PLCD1: variants seen among roughly 807,000 people sequenced by gnomAD.
PLCD1 encodes the protein phospholipase C delta 1, also known as 1-phosphatidylinositol 4,5-bisphosphate phosphodiesterase delta-1.
PLCD1 carries 71 observed loss-of-function variants against 87.4 expected under a neutral mutation model. The ratio of observed to expected loss-of-function variants is 0.81; its 90% CI spans 0.67 to 0.99. The LOEUF (loss-of-function observed/expected upper bound fraction) is 0.99, where lower values mean the gene tolerates loss of function less well. PLCD1 is among the 50% of genes least tolerant of loss of function. PLCD1 has a pLI of 0.00. For synonymous variants in PLCD1, 348 were observed against 399.2 expected (o/e 0.87, Z 1.53); for missense variants, 867 against 1,001.5 (o/e 0.87, Z 1.81).
Position 38,009,091 on chromosome 3 carries a change from G to A in PLCD1, c.1674C>T (p.Asp558=). 5.6e-6 allele frequency: 9 copies of A among 1,613,964 alleles called. No individual in the cohort carries two copies. The highest frequency in any genetic ancestry group is 7.6e-6 in the Non-Finnish European group (9 of 1,180,010). ...TCTCCACGGGGCTGTAGTTGGAGGAGTCTGTTCTCCATCCAGCCGGGTAGA... is the reference window on the plus strand; with the variant it reads ...TCTCCACGGGGCTGTAGTTGGAGGAATCTGTTCTCCATCCAGCCGGGTAGA... ...SRIYPAGWRT[D]SSNYSPVEMW... Residue 558 remains aspartate (D), a synonymous_variant, in exon 11 of 15, where the codon GAC becomes GAT. Coordinates refer to ENST00000334661, the MANE Select transcript of PLCD1 (RefSeq NM_006225.4).
chr3:38,012,760 A>G (rs985602934), intron 3 of PLCD1, among the ~76,000 whole-genome samples: 52 of 151,524 alleles, frequency 3.4e-4, no homozygotes, highest in Admixed American at 3.4e-3. Context: ...CAAGTGATCC[A>G]CCCGCCTTGG....
At position 38,013,235 on chromosome 3, in the gene PLCD1, C is replaced by T. The variant is rs1324504474; in HGVS notation, c.429-1562G>A. Among the ~76,000 whole-genome samples, 5 of 136,152 alleles carry T rather than the reference C, an allele frequency of 3.7e-5. No individual in the cohort carries two copies. The East Asian group carries it at 6.5e-4, about 18-fold the overall frequency. 89.3% of individuals were successfully genotyped at this position (136,152 alleles called of 152,430 possible). A position where few individuals can be genotyped will look rare whatever the true frequency, so the allele number is the denominator to read the frequency against. On this transcript the variant is annotated intron_variant, in intron 3 of 14. Coordinates refer to ENST00000334661, the MANE Select transcript of PLCD1 (RefSeq NM_006225.4). ...TTTTTTTTTTTTTTTTTTCCTGAGA[C>T]GGAGTCTAGCTCTGTCACCCAGGCT...
intron 11 of PLCD1, 75 bp from the exon 12 acceptor site, chr3:38,008,711 C>G: frequency 7.4e-7 from 1 of 1,346,112 alleles, no homozygotes; most frequent in Admixed American, 1.7e-5. Context: ...TCAGGGTACA[C>G]TAAGGCCTAG....
At chr3:38,019,877 G>A (rs1700207709) in intron 2 of PLCD1, among the ~76,000 whole-genome samples, 1 of 152,118 alleles carries the variant, frequency 6.6e-6, no homozygotes, top group Non-Finnish European at 1.5e-5. Context: ...CCCCATCTGT[G>A]GTCATGGTTA....
At chr3:38,019,704 C>T (rs1299104763) in intron 2 of PLCD1, among the ~76,000 whole-genome samples, 1 of 152,130 alleles carries the variant, frequency 6.6e-6, no homozygotes, top group Non-Finnish European at 1.5e-5. Context: ...TCTGTGTGTC[C>T]CAGTCCTGCT....
Position 38,009,024 on chromosome 3 carries a change from G to A in PLCD1, c.1723+18C>T. On this transcript the variant is annotated intron_variant, in intron 11 of 14. Coordinates refer to ENST00000334661, the MANE Select transcript of PLCD1 (RefSeq NM_006225.4). Reference sequence around the variant, plus strand: ...GAAACCCTCCTCCAGGCCTCCTCCAGCCCCAGCCAGCCCATACCGATCTGG... The same window carrying A: ...GAAACCCTCCTCCAGGCCTCCTCCAACCCCAGCCAGCCCATACCGATCTGG... 1.3e-6 allele frequency: 2 copies of A among 1,595,764 alleles called. No homozygotes were observed. The highest frequency in any genetic ancestry group is 1.7e-6 in the Non-Finnish European group (2 of 1,164,658).
intron 1 of PLCD1, among the ~76,000 whole-genome samples, chr3:38,022,929 C>A (rs1393253365): frequency 1.3e-5 from 2 of 151,752 alleles, no homozygotes; most frequent in Non-Finnish European, 2.9e-5. Context: ...AAAGTAATAG[C>A]AAAAACTTTC....
intron 1 of PLCD1, among the ~76,000 whole-genome samples, chr3:38,020,633 C>A (rs112066756): frequency 7.6e-4 from 116 of 152,294 alleles, no homozygotes; most frequent in African/African-American, 2.7e-3. Flanking sequence ...CCACCCACAG[C>A]TGAATGAACA....
intron 2 of PLCD1, among the ~76,000 whole-genome samples, chr3:38,019,340 G>A (rs1575354504): frequency 6.6e-6 from 1 of 152,110 alleles, no homozygotes; most frequent in East Asian, 1.9e-4. Flanking sequence ...AATTCAGTTC[G>A]GCAGTCACAC....
At chr3:38,011,123 T>G in intron 5 of PLCD1, 91 bp downstream of exon 5, 5 of 1,011,700 alleles carry the variant, frequency 4.9e-6, no homozygotes, top group Non-Finnish European at 5.8e-6. Context: ...TTCCCTCCGG[T>G]TCCCTTCTTT....
chr3:38,016,490 C>T lies in PLCD1; in HGVS notation c.428+1G>A, dbSNP rs1700156183. 1.2e-6 allele frequency: 2 copies of T among 1,606,492 alleles called. No individual in the cohort carries two copies. Among genetic ancestry groups the T allele is most frequent in the Non-Finnish European group, 1.7e-6 (2 of 1,173,506 alleles). On this transcript the variant is annotated splice_donor_variant, in intron 3 of 14. Transcript: ENST00000334661. LOFTEE classifies it high-confidence loss of function. ...TGGACCCACTGCCACCAAAAGGATA[C>T]TGCTGTAGCTTCTGACGCTGGTCCA... is the stretch of plus-strand genomic sequence containing the variant.
rs1283458684 is a variant in PLCD1 at position 38,008,533 on chromosome 3, T to C, written c.1827A>G (p.Arg609=). 1.2e-6 allele frequency: 2 copies of C among 1,614,200 alleles called. No individual in the cohort carries two copies. Among genetic ancestry groups the C allele is most frequent in the South Asian group, 2.2e-5 (2 of 91,088 alleles). The change falls in exon 12 of 15, where the codon CGA becomes CGG. Residue 609 remains arginine, a synonymous_variant. Coordinates refer to ENST00000334661, the MANE Select transcript of PLCD1 (RefSeq NM_006225.4). ...CGYVLKPAFL[R]DPNGTFNPRA... ...GGGGGTTAAAGGTGCCGTTGGGGTC[T>C]CGCAGGAAGGCGGGCTTCAGCACGT... is the stretch of plus-strand genomic sequence containing the variant.
intron 2 of PLCD1, among the ~76,000 whole-genome samples, chr3:38,019,899 C>T (rs1700208200): frequency 6.6e-6 from 1 of 152,170 alleles, no homozygotes; most frequent in African/African-American, 2.4e-5. Context: ...GTATCCCCAT[C>T]CCTCAAAAGC....
intron 10 of PLCD1, 52 bp downstream of exon 10, chr3:38,009,220 T>G: frequency 6.2e-7 from 1 of 1,613,296 alleles, no homozygotes; most frequent in Non-Finnish European, 8.5e-7. Flanking sequence ...AGCCCTGCCC[T>G]GCCAATTCTC....
At chr3:38,020,548 C>T (rs543639702) in intron 1 of PLCD1, among the ~76,000 whole-genome samples, 196 bp from the exon 2 acceptor site, 4 of 152,150 alleles carry the variant, frequency 2.6e-5, no homozygotes, top group Non-Finnish European at 5.9e-5. Flanking sequence ...GGAAGTCATC[C>T]CTGATTGCCA....
intron 1 of PLCD1, among the ~76,000 whole-genome samples, chr3:38,022,651 A>G (rs1559377723): frequency 6.6e-6 from 1 of 152,168 alleles, no homozygotes; most frequent in South Asian, 2.1e-4. Flanking sequence ...GCTGCCAACA[A>G]TGGTTTCTAA....
Position 38,018,097 on chromosome 3 carries a change from T to C in PLCD1, c.200-1378A>G, listed in dbSNP as rs1015442970. ...GAACCAGAGTCATGGGGGTGGGTAG[T>C]AGTGGCAGGATTGGGGAGACTTAAA... On this transcript the variant is annotated intron_variant, in intron 2 of 14. Transcript: ENST00000334661. The surrounding 1 kb of genome is among the most constrained non-coding windows in gnomAD (Gnocchi z 5.7). 1.3e-5 allele frequency among the ~76,000 whole-genome samples: 2 copies of C among 152,100 alleles called. No individual in the cohort carries two copies. The highest frequency in any genetic ancestry group is 2.9e-5 in the Non-Finnish European group (2 of 68,010).
In PLCD1 at chr3:38,017,054, C is replaced by T. The variant is rs1700169236; in HGVS notation, c.200-335G>A. Among the ~76,000 whole-genome samples the T allele has an allele frequency of 6.6e-6, 1 of 151,972 alleles. No homozygotes were observed. The highest frequency in any genetic ancestry group is 2.1e-4 in the South Asian group (1 of 4,828). On this transcript the variant is annotated intron_variant, in intron 2 of 14. Coordinates refer to ENST00000334661, the MANE Select transcript of PLCD1 (RefSeq NM_006225.4). The surrounding 1 kb of genome is among the most constrained non-coding windows in gnomAD (Gnocchi z 4.7). ...ACCTGGGACCCCAGGCCTGCTCTCTCGGTGATGGGGGGTGCAGGGCCCCAG... is the reference window on the plus strand; with the variant it reads ...ACCTGGGACCCCAGGCCTGCTCTCTTGGTGATGGGGGGTGCAGGGCCCCAG...
rs373017252 is a variant in PLCD1, at chr3:38,029,507, G to A, written c.33C>T (p.His11=). Residue 11 remains histidine (H), a splice_region_variant and synonymous_variant, in exon 1 of 15, where the codon CAC becomes CAT. Transcript: ENST00000334661. MDSGRDFLTL[H]GLQDDEDLQA... ...CGCTCGCGCGGGCCAGGCACTCACC[G>A]TGCAGGGTCAGGAAGTCCCGGCCCG... 113 of 1,539,380 alleles carry A rather than the reference G, an allele frequency of 7.3e-5. 1 individual carries two copies. The highest frequency in any genetic ancestry group is 9.7e-5 in the Non-Finnish European group (111 of 1,146,472).
Sources: allele counts gnomAD v4.1 joint callset (sites outside exome capture counted in the v4.1 genomes callset), GRCh38; gene constraint gnomAD v4.1.1; non-coding constraint Gnocchi (gnomAD v3.1); transcripts MANE v1.5; gene names NCBI Gene and HGNC (gene_info 2026-07-23, HGNC 2026-07-21).